The following HMCN1 variants were observed in gnomAD, a reference collection of about 807,000 sequenced individuals.
The protein encoded by HMCN1 is hemicentin-1.
A neutral mutation model predicts 625.9 loss-of-function variants in HMCN1; 321 were observed. That is an observed-to-expected ratio of 0.51 (90% confidence interval 0.47 to 0.56). The LOEUF (loss-of-function observed/expected upper bound fraction) is 0.56, where lower values mean the gene tolerates loss of function less well. HMCN1 is among the 20% of genes least tolerant of loss of function. The pLI is 0.00. For missense variants in HMCN1, 6,588 were observed against 6,887.3 expected (o/e 0.96, Z 1.54); for synonymous variants, 2,425 against 2,417.6 (o/e 1.00, Z -0.09).
chr1:185,884,052 T>G (rs1269470354), intron 4 of HMCN1, among the ~76,000 whole-genome samples: 1 of 151,760 alleles, frequency 6.6e-6, no homozygotes, highest in Non-Finnish European at 1.5e-5. Flanking sequence ...CCTTTGAGGC[T>G]TTTTAGAAAG....
intron 53 of HMCN1, among the ~76,000 whole-genome samples, chr1:186,076,081 A>T (rs1179011902): frequency 6.6e-6 from 1 of 152,146 alleles, no homozygotes; most frequent in Non-Finnish European, 1.5e-5. Flanking sequence ...AGTATTTTTT[A>T]ATGGTTTCTC....
In HMCN1 at chr1:186,081,322, C is replaced by A; in HGVS notation, c.8715C>A (p.Ser2905=). ...LSSGSPAPRN[S]WQKDGQPLLE... ...GTGGCAGCCCAGCACCAAGGAATTC[C>A]TGGCAGAAAGATGGACAGCCCTTGC... Residue 2905 remains serine, a synonymous_variant, in exon 56 of 107, where the codon TCC becomes TCA. Transcript: ENST00000271588. The A allele has an allele frequency of 6.2e-7, 1 of 1,613,766 alleles. No individual in the cohort carries two copies.
chr1:185,875,703 C>T (rs924666838), intron 4 of HMCN1, among the ~76,000 whole-genome samples: 3 of 152,010 alleles, frequency 2.0e-5, no homozygotes, highest in Non-Finnish European at 4.4e-5. Context: ...GCCTCCTTTA[C>T]TTTACTTTAC....
rs1180938523 is a variant in HMCN1 at position 186,190,881 on chromosome 1, A to AATT, written c.*1007_*1009dup. ...AATATCTTGATGGACTCTTTTATAAAATTATTTTATAAAAAACAATGTTAC... is the reference window on the plus strand; with the variant it reads ...AATATCTTGATGGACTCTTTTATAAAATTATTATTTTATAAAAAACAATGTTAC... On this transcript the variant is annotated 3_prime_UTR_variant, in exon 107 of 107. Transcript: ENST00000271588. The AATT allele has an allele frequency of 5.4e-6, 1 of 184,542 alleles. No homozygotes were observed. Among genetic ancestry groups the AATT allele is most frequent in the East Asian group, 9.0e-5 (1 of 11,170 alleles). 11.4% of individuals were successfully genotyped at this position (184,542 alleles called of 1,614,324 possible). A position where few individuals can be genotyped will look rare whatever the true frequency, so the allele number is the denominator to read the frequency against.
chr1:186,176,161 T>A (rs1263551842), intron 103 of HMCN1, among the ~76,000 whole-genome samples: 3 of 152,186 alleles, frequency 2.0e-5, no homozygotes, highest in Non-Finnish European at 2.9e-5. Context: ...AATAACTTTT[T>A]AAAATTTTAT....
chr1:186,130,651 G>T lies in HMCN1; in HGVS notation c.13184G>T (p.Arg4395Ile). ...GGAGTGGATATTGAAATTAGCCACAGAATCCGGCAACTGGGCAATGGCTCC... is the reference window on the plus strand; with the variant it reads ...GGAGTGGATATTGAAATTAGCCACATAATCCGGCAACTGGGCAATGGCTCC... Reference protein sequence around the residue: ...RKGVDIEISHRIRQLGNGSLA... With the variant: ...RKGVDIEISHIIRQLGNGSLA... The change falls in exon 85 of 107, where the codon AGA (arginine) becomes ATA (isoleucine). Residue 4395 changes from arginine to isoleucine, a missense_variant. Arg to Ile is a moderately conservative substitution (Grantham distance 97, BLOSUM62 -3). This residue lies in a region of HMCN1 where 1,954 missense variants were observed against 2,013.1 expected (regional missense o/e 0.97). Transcript: ENST00000271588. The T allele has an allele frequency of 6.2e-7, 1 of 1,613,404 alleles. No homozygotes were observed. The highest frequency in any genetic ancestry group is 1.1e-5 in the South Asian group (1 of 91,072).
At chr1:185,771,223 C>A (rs1006288919) in intron 1 of HMCN1, among the ~76,000 whole-genome samples, 2 of 152,146 alleles carry the variant, frequency 1.3e-5, no homozygotes, top group Non-Finnish European at 2.9e-5. Context: ...TTGCATCATG[C>A]CCAGCAGGCT....
chr1:186,126,650 G>C (rs922735487), intron 82 of HMCN1, among the ~76,000 whole-genome samples: 1 of 152,084 alleles, frequency 6.6e-6, no homozygotes, highest in African/African-American at 2.4e-5. Context: ...AATAGGTAGA[G>C]CAAAGAACTT....
Position 185,928,640 on chromosome 1 carries a change from C to G in HMCN1, c.1525C>G (p.Arg509Gly). 6.2e-7 allele frequency: 1 copy of G among 1,613,448 alleles called. No individual in the cohort carries two copies. The highest frequency in any genetic ancestry group is 8.5e-7 in the Non-Finnish European group (1 of 1,179,460). The part of the protein sequence containing the change: ...CIAVSSAGTG[R>G]AQTFFDVSEP... The stretch of plus-strand genomic sequence containing the variant: ...TGCTGTCAGCAGTGCAGGTACTGGA[C>G]GGGCACAGACATTTTTTGACGTATC... The change falls in exon 10 of 107, where the codon CGG becomes GGG. Residue 509 changes from arginine (R) to glycine (G), a missense_variant. Coordinates refer to ENST00000271588, the MANE Select transcript of HMCN1 (RefSeq NM_031935.3).
chr1:185,979,440 C>A (rs1651463705), intron 16 of HMCN1, among the ~76,000 whole-genome samples: 1 of 152,018 alleles, frequency 6.6e-6, no homozygotes, highest in Non-Finnish European at 1.5e-5. Context: ...TTAAAGGAGA[C>A]AAAAGAAAAG....
chr1:185,743,437 T>C (rs1654123431), intron 1 of HMCN1, among the ~76,000 whole-genome samples: 1 of 152,334 alleles, frequency 6.6e-6, no homozygotes, highest in Middle Eastern at 3.4e-3. Context: ...TGTGTAGTGA[T>C]TGAATGTTTC....
intron 11 of HMCN1, among the ~76,000 whole-genome samples, chr1:185,953,735 T>TC (rs937155490): frequency 6.6e-6 from 1 of 151,332 alleles, no homozygotes. Flanking sequence ...CCAAGGGAGG[T>TC]CCCCCGATCC....
chr1:186,144,086 T>C (rs962431753), intron 89 of HMCN1, 87 bp from the exon 90 acceptor site: 84 of 1,211,098 alleles, frequency 6.9e-5, no homozygotes, highest in African/African-American at 3.0e-5. Context: ...ACTAATTAGC[T>C]CATTACTGAG....
intron 97 of HMCN1, among the ~76,000 whole-genome samples, chr1:186,161,742 A>G (rs1651495956): frequency 6.6e-6 from 1 of 152,126 alleles, no homozygotes. Flanking sequence ...AATGTTGAAT[A>G]TTGGCCCCCA....
intron 1 of HMCN1, among the ~76,000 whole-genome samples, chr1:185,744,152 C>G (rs899656444): frequency 6.6e-6 from 1 of 150,738 alleles, no homozygotes. Flanking sequence ...CCACACCCAG[C>G]TAATTTTTTT....
chr1:185,943,681 T>C (rs188660581), intron 11 of HMCN1, among the ~76,000 whole-genome samples: 9 of 152,244 alleles, frequency 5.9e-5, no homozygotes, highest in African/African-American at 2.2e-4. Flanking sequence ...CATAGTTTAG[T>C]GTTTGTATAG....
chr1:185,753,017 G>T (rs764384123), intron 1 of HMCN1, among the ~76,000 whole-genome samples: 3 of 151,890 alleles, frequency 2.0e-5, no homozygotes, highest in Non-Finnish European at 4.4e-5. Flanking sequence ...ATAATAAAAA[G>T]ATTAGTTTAA....
intron 1 of HMCN1, among the ~76,000 whole-genome samples, chr1:185,806,703 G>A (rs1659195209): frequency 6.6e-6 from 1 of 152,016 alleles, no homozygotes; most frequent in South Asian, 2.1e-4. Flanking sequence ...TTTACAAACT[G>A]GTTTGCATTT....
rs1214222110 is a variant in HMCN1, at chr1:186,119,223, C to T, written c.11881C>T (p.His3961Tyr). ...AIEILATQLN[H>Y]AGRYTCVARN... Reference sequence around the variant, plus strand: ...TGAAATACTTGCCACCCAATTAAACCATGCTGGAAGATACACTTGTGTCGC... The same window carrying T: ...TGAAATACTTGCCACCCAATTAAACTATGCTGGAAGATACACTTGTGTCGC... The change falls in exon 78 of 107, where the codon CAT (histidine) becomes TAT (tyrosine). Residue 3961 changes from histidine (H) to tyrosine (Y), a missense_variant. Transcript: ENST00000271588. 1.9e-6 allele frequency: 3 copies of T among 1,613,636 alleles called. No individual in the cohort carries two copies. In the East Asian group the frequency reaches 6.7e-5, roughly 36 times the overall value.
Sources: gnomAD v4.1 joint callset for allele counts (sites outside exome capture counted in the v4.1 genomes callset) on GRCh38, gnomAD v4.1.1 for gene constraint, gnomAD v4.1.1 regional missense constraint, MANE v1.5 for transcripts, NCBI Gene and HGNC (gene_info 2026-07-23, HGNC 2026-07-21) for gene names.